The following CCSER1 variants were observed in gnomAD, a reference collection of about 807,000 sequenced individuals.
CCSER1 encodes serine-rich coiled-coil domain-containing protein 1.
In CCSER1, 41 loss-of-function variants were observed where a neutral mutation model predicts 82.0. That is an observed-to-expected ratio of 0.50 (90% confidence interval 0.39 to 0.65). CCSER1 has a LOEUF of 0.65. Ranked by LOEUF, CCSER1 falls within the 30% of genes least tolerant of loss-of-function variation. The pLI, the probability that CCSER1 is intolerant of heterozygous loss-of-function variation, is 0.00. For synonymous variants in CCSER1, 414 were observed against 383.9 expected, an observed-to-expected ratio of 1.08 and a Z score of -0.92; for missense variants, 1,119 against 1,064.2, an observed-to-expected ratio of 1.05 and a Z score of -0.72.
chr4:90,227,944 A>G (rs1300834172), intron 1 of CCSER1, among the ~76,000 whole-genome samples: 1 of 152,330 alleles, frequency 6.6e-6, no homozygotes. Context: ...CCAGGAGATT[A>G]TATCCCGCAC....
At chr4:90,608,716 ATAT>A (rs1213034041) in intron 5 of CCSER1, among the ~76,000 whole-genome samples, 1 of 152,156 alleles carries the variant, frequency 6.6e-6, no homozygotes, top group East Asian at 1.9e-4. Context: ...AATATGTATA[ATAT>A]TCTGATCTAG....
intron 6 of CCSER1, among the ~76,000 whole-genome samples, chr4:90,638,079 T>G (rs933579998): frequency 1.3e-5 from 2 of 152,090 alleles, no homozygotes; most frequent in African/African-American, 4.8e-5. Context: ...GATAACTCCT[T>G]TAAGCTTTTG....
intron 10 of CCSER1, among the ~76,000 whole-genome samples, chr4:91,307,400 CATT>C (rs760199741): frequency 1.4e-3 from 211 of 151,682 alleles, no homozygotes; most frequent in Non-Finnish European, 2.1e-3. Context: ...TTTTCTAACT[CATT>C]ATTTGAGTTT....
chr4:90,265,103 C>T (rs1725005836), intron 1 of CCSER1, among the ~76,000 whole-genome samples: 2 of 151,760 alleles, frequency 1.3e-5, no homozygotes, highest in East Asian at 1.9e-4. Context: ...GAGATACAGA[C>T]CTTTATAGAG....
chr4:90,442,816 C>G (rs1760082644), intron 4 of CCSER1, among the ~76,000 whole-genome samples: 1 of 152,108 alleles, frequency 6.6e-6, no homozygotes, highest in Non-Finnish European at 1.5e-5. Context: ...ATTTTATCCT[C>G]CTGGGAGGGA....
chr4:90,738,053 T>C (rs889359919), intron 7 of CCSER1, among the ~76,000 whole-genome samples: 1 of 152,224 alleles, frequency 6.6e-6, no homozygotes, highest in African/African-American at 2.4e-5. Context: ...GAATTCTCTG[T>C]TTGAAAGATC....
chr4:90,490,019 T>A (rs2153604003), intron 5 of CCSER1, among the ~76,000 whole-genome samples: 1 of 152,324 alleles, frequency 6.6e-6, no homozygotes, highest in South Asian at 2.1e-4. Context: ...TGATTTATAA[T>A]CCTTTGGGTA....
At chr4:91,201,933 T>A (rs1337020820) in intron 10 of CCSER1, among the ~76,000 whole-genome samples, 3 of 152,006 alleles carry the variant, frequency 2.0e-5, no homozygotes, top group Non-Finnish European at 4.4e-5. Context: ...AATCATGAAT[T>A]TATAATTTTT....
At position 91,604,266 on chromosome 4, in the gene CCSER1, TAAAC is replaced by T. The variant is rs1188114583; in HGVS notation, c.*5215_*5218del. On this transcript the variant is annotated 3_prime_UTR_variant, in exon 11 of 11. Coordinates refer to ENST00000509176, the MANE Select transcript of CCSER1 (RefSeq NM_001145065.2). ...TCTCTCCTAAGGAGGCAGAGTGATT[TAAAC>T]AAACATGTGCTGCTTCAATCTCCTT... The T allele has an allele frequency of 6.6e-6, 1 of 152,148 alleles. No individual in the cohort carries two copies. The highest frequency in any genetic ancestry group is 1.5e-5 in the Non-Finnish European group (1 of 67,992). 9.4% of individuals were successfully genotyped at this position (152,148 alleles called of 1,614,324 possible).
intron 7 of CCSER1, among the ~76,000 whole-genome samples, chr4:90,761,181 A>G (rs993769563): frequency 6.6e-6 from 1 of 152,076 alleles, no homozygotes; most frequent in Non-Finnish European, 1.5e-5. Flanking sequence ...TTGATTCTCT[A>G]TTAGACTCCC....
chr4:91,134,432 C>G (rs1006382844), intron 10 of CCSER1, among the ~76,000 whole-genome samples: 1 of 146,318 alleles, frequency 6.8e-6, no homozygotes, highest in African/African-American at 2.6e-5. Flanking sequence ...AAAAAAAAAA[C>G]AAAAACAAAC....
At chr4:90,266,401 C>T (rs753812976) in intron 1 of CCSER1, among the ~76,000 whole-genome samples, 1 of 151,644 alleles carries the variant, frequency 6.6e-6, no homozygotes, top group Non-Finnish European at 1.5e-5. Flanking sequence ...CTATATAGTC[C>T]AGAGCATATT....
chr4:91,264,418 T>C (rs1226882302), intron 10 of CCSER1, among the ~76,000 whole-genome samples: 1 of 151,866 alleles, frequency 6.6e-6, no homozygotes, highest in Admixed American at 6.6e-5. Flanking sequence ...TGGCTTTGTA[T>C]TGTTGTTTCC....
chr4:90,963,351 A>G (rs1734228755), intron 9 of CCSER1, among the ~76,000 whole-genome samples: 1 of 152,192 alleles, frequency 6.6e-6, no homozygotes, highest in South Asian at 2.1e-4. Context: ...ATAGATCTAT[A>G]GATGATAGAG....
chr4:91,195,619 C>T (rs1161535781), intron 10 of CCSER1, among the ~76,000 whole-genome samples: 1 of 152,078 alleles, frequency 6.6e-6, no homozygotes, highest in Non-Finnish European at 1.5e-5. Flanking sequence ...CTTTTATTTG[C>T]CATGTGCCCT....
intron 9 of CCSER1, among the ~76,000 whole-genome samples, chr4:91,069,590 A>G (rs140879369): frequency 6.6e-6 from 1 of 152,314 alleles, no homozygotes; most frequent in East Asian, 1.9e-4. Flanking sequence ...CGTTCTGGTG[A>G]GAAGAATAGT....
intron 5 of CCSER1, among the ~76,000 whole-genome samples, chr4:90,536,307 T>C (rs1238312032): frequency 6.6e-6 from 1 of 152,214 alleles, no homozygotes; most frequent in African/African-American, 2.4e-5. Flanking sequence ...ATGTTGGGAT[T>C]ACAGGCGTGA....
intron 10 of CCSER1, among the ~76,000 whole-genome samples, chr4:91,517,946 T>C (rs75055829): frequency 0.053 from 8,124 of 152,226 alleles, 235 homozygotes; most frequent in Middle Eastern, 0.078. Context: ...AAGTTTGGGA[T>C]GTGAACTAGT....
At chr4:91,503,910 G>A (rs1560722130) in intron 10 of CCSER1, among the ~76,000 whole-genome samples, 1 of 152,186 alleles carries the variant, frequency 6.6e-6, no homozygotes, top group Admixed American at 6.5e-5. Context: ...TGTCATTGGC[G>A]GGGTATAATG....
Sources: gnomAD v4.1 joint callset for allele counts (sites outside exome capture counted in the v4.1 genomes callset) on GRCh38, gnomAD v4.1.1 for gene constraint, MANE v1.5 for transcripts, NCBI Gene and HGNC (gene_info 2026-07-23, HGNC 2026-07-21) for gene names.